The following PDGFD variants were observed in gnomAD, a reference collection of about 807,000 sequenced individuals.
The protein encoded by PDGFD is platelet-derived growth factor D.
PDGFD carries 30 observed loss-of-function variants against 44.7 expected under a neutral mutation model. The ratio of observed to expected loss-of-function variants is 0.67; its 90% confidence interval spans 0.50 to 0.91. The LOEUF (loss-of-function observed/expected upper bound fraction) is 0.91. PDGFD is among the 40% of genes least tolerant of loss of function. The pLI is 0.00. For missense variants in PDGFD, 445 were observed against 457.8 expected, an observed-to-expected ratio of 0.97 and a Z score of 0.25; for synonymous variants, 173 against 168.4, an observed-to-expected ratio of 1.03 and a Z score of -0.21.
At chr11:104,163,654 G>C in intron 1 of PDGFD, 150 bp downstream of exon 1, 4 of 921,340 alleles carry the variant, frequency 4.3e-6, no homozygotes, top group Non-Finnish European at 6.1e-6. Flanking sequence ...CTCAGGACTG[G>C]ATACAGGCAG....
intron 1 of PDGFD, among the ~76,000 whole-genome samples, chr11:104,096,956 A>G (rs1338184233): frequency 2.0e-5 from 3 of 152,180 alleles, no homozygotes; most frequent in Non-Finnish European, 2.9e-5. Flanking sequence ...TGAGGTCACT[A>G]TTTATTACCT....
chr11:104,131,801 TAAA>T (rs55959221), intron 1 of PDGFD, among the ~76,000 whole-genome samples: 2 of 70,980 alleles, frequency 2.8e-5, no homozygotes, highest in Non-Finnish European at 2.6e-5. Context: ...CAATGAACTG[TAAA>T]AAAAAAAAAA....
At chr11:104,084,599 A>T (rs1265674156) in intron 1 of PDGFD, among the ~76,000 whole-genome samples, 2 of 147,994 alleles carry the variant, frequency 1.4e-5, no homozygotes, top group Non-Finnish European at 3.0e-5. Flanking sequence ...TTTTTTAAAA[A>T]TTAAATTATA....
At chr11:103,934,815 A>G (rs1384810611) in intron 5 of PDGFD, among the ~76,000 whole-genome samples, 1 of 152,136 alleles carries the variant, frequency 6.6e-6, no homozygotes, top group Non-Finnish European at 1.5e-5. Flanking sequence ...TATGGGGATT[A>G]TGGGGATTGC....
chr11:104,117,028 C>T lies in PDGFD; in HGVS notation c.124+46776G>A, dbSNP rs114954766. On this transcript the variant is annotated intron_variant, in intron 1 of 6. Transcript: ENST00000393158. ...TGTGCAAACGGACCAATATAATAAT[C>T]CATGAGGATCAAGTAGGTTTCATAC... Among the ~76,000 whole-genome samples the T allele has an allele frequency of 6.1e-3, 924 of 151,946 alleles. 11 individuals are homozygous for T. Among genetic ancestry groups the T allele is most frequent in the African/African-American group, 0.021 (865 of 41,470 alleles).
At chr11:104,030,850 T>C (rs1399328149) in intron 1 of PDGFD, among the ~76,000 whole-genome samples, 2 of 152,174 alleles carry the variant, frequency 1.3e-5, no homozygotes, top group African/African-American at 4.8e-5. Context: ...GTGAGTATTC[T>C]GGACAGTCCC....
chr11:104,006,380 G>T (rs959066087), intron 1 of PDGFD, among the ~76,000 whole-genome samples: 38 of 152,122 alleles, frequency 2.5e-4, no homozygotes, highest in African/African-American at 8.9e-4. Flanking sequence ...CCACCTCTTT[G>T]CTTTGACTCT....
At chr11:104,126,793 T>C (rs1861847115) in intron 1 of PDGFD, among the ~76,000 whole-genome samples, 1 of 152,066 alleles carries the variant, frequency 6.6e-6, no homozygotes, top group Non-Finnish European at 1.5e-5. Flanking sequence ...TATAGCAGCA[T>C]ATACCTCAAT....
intron 1 of PDGFD, among the ~76,000 whole-genome samples, chr11:104,010,185 T>A (rs1416503912): frequency 2.5e-5 from 2 of 81,406 alleles, no homozygotes; most frequent in Non-Finnish European, 5.6e-5. Flanking sequence ...GTTACATATC[T>A]TTTTTTTTTT....
chr11:103,921,171 T>C (rs576197238), intron 6 of PDGFD, among the ~76,000 whole-genome samples: 2 of 152,170 alleles, frequency 1.3e-5, no homozygotes, highest in South Asian at 2.1e-4. Flanking sequence ...GAGGCTTCAC[T>C]TAAAGGTGGA....
At chr11:103,975,614 G>A (rs1467395088) in intron 3 of PDGFD, among the ~76,000 whole-genome samples, 1 of 151,762 alleles carries the variant, frequency 6.6e-6, no homozygotes, top group Non-Finnish European at 1.5e-5. Flanking sequence ...CTAGGTTTTA[G>A]GTTTTAGGTT....
intron 6 of PDGFD, among the ~76,000 whole-genome samples, chr11:103,926,385 T>A (rs1421342271): frequency 6.6e-6 from 1 of 152,216 alleles, no homozygotes; most frequent in East Asian, 1.9e-4. Context: ...AAGAGCTGAT[T>A]CCCTGAGTAG....
intron 1 of PDGFD, among the ~76,000 whole-genome samples, chr11:104,120,879 G>GAAGT: frequency 2.6e-5 from 4 of 151,926 alleles, no homozygotes; most frequent in Admixed American, 2.6e-4. Flanking sequence ...AAGTAGATCA[G>GAAGT]AAGTCCTTTG....
intron 1 of PDGFD, among the ~76,000 whole-genome samples, chr11:104,116,644 T>C (rs1399510847): frequency 6.6e-6 from 1 of 152,050 alleles, no homozygotes; most frequent in Non-Finnish European, 1.5e-5. Context: ...AACAAAATAC[T>C]AGTTAACTAA....
At chr11:103,924,163 TA>T (rs1275649431) in intron 6 of PDGFD, among the ~76,000 whole-genome samples, 2 of 152,168 alleles carry the variant, frequency 1.3e-5, no homozygotes. Context: ...AGTAATTTTT[TA>T]AATCAAGCTA....
At chr11:103,914,514 A>G (rs895153936) in intron 6 of PDGFD, among the ~76,000 whole-genome samples, 1 of 152,188 alleles carries the variant, frequency 6.6e-6, no homozygotes, top group Non-Finnish European at 1.5e-5. Flanking sequence ...AAATTCTACC[A>G]GAGGTACAAA....
At chr11:104,037,677 G>C in intron 1 of PDGFD, 1 of 1,614,164 alleles carries the variant, frequency 6.2e-7, no homozygotes, top group Non-Finnish European at 8.5e-7. Context: ...TGGACCGACG[G>C]TGGGCTGGGG....
chr11:103,919,104 C>T (rs561721382), intron 6 of PDGFD, among the ~76,000 whole-genome samples: 1 of 152,272 alleles, frequency 6.6e-6, no homozygotes, highest in African/African-American at 2.4e-5. Flanking sequence ...GATCTTGACT[C>T]CTCTCCACTC....
At chr11:104,145,421 G>A (rs1862148270) in intron 1 of PDGFD, among the ~76,000 whole-genome samples, 1 of 152,118 alleles carries the variant, frequency 6.6e-6, no homozygotes, top group South Asian at 2.1e-4. Context: ...TAGGGTTTTA[G>A]ATTTTTATTT....
Sources: gnomAD v4.1 joint callset for allele counts (sites outside exome capture counted in the v4.1 genomes callset) on GRCh38, gnomAD v4.1.1 for gene constraint, MANE v1.5 for transcripts, NCBI Gene and HGNC (gene_info 2026-07-23, HGNC 2026-07-21) for gene names.